The following CSMD3 variants were observed in gnomAD, a reference collection of about 807,000 sequenced individuals.
The protein encoded by CSMD3 is CUB and sushi domain-containing protein 3.
A neutral mutation model predicts 435.2 loss-of-function variants in CSMD3; 177 were observed. The ratio of observed to expected loss-of-function variants is 0.41; its 90% CI spans 0.36 to 0.46. CSMD3 has a LOEUF of 0.46. Among genes scored for constraint, CSMD3 ranks in the 20% least tolerant of loss-of-function variants. The pLI, the probability that CSMD3 is intolerant of heterozygous loss-of-function variation, is 0.34. For synonymous variants in CSMD3, 1,656 were observed against 1,520.5 expected, an observed-to-expected ratio of 1.09 and a Z score of -2.07; for missense variants, 4,265 against 4,504.6, an observed-to-expected ratio of 0.95 and a Z score of 1.52.
rs76424199 is a variant in CSMD3 at position 113,365,345 on chromosome 8, A to T, written c.179-50552T>A. On this transcript the variant is annotated intron_variant, in intron 1 of 70. Transcript: ENST00000297405. ...CTCATAAAATAGCTATATCTAAAAT[A>T]ATATATTTTCATAGTTCAGGAGTAA... Among the ~76,000 whole-genome samples, 24 of 152,202 alleles carry T rather than the reference A, an allele frequency of 1.6e-4. No homozygotes were observed. The East Asian group carries it at 4.1e-3, about 26-fold the overall frequency.
intron 17 of CSMD3, among the ~76,000 whole-genome samples, chr8:112,664,964 C>T (rs538124372): frequency 6.6e-6 from 1 of 152,172 alleles, no homozygotes; most frequent in South Asian, 2.1e-4. Context: ...CCCTAGTAAA[C>T]CATGTAGATT....
chr8:113,324,248 T>C (rs923322041), intron 1 of CSMD3, among the ~76,000 whole-genome samples: 8 of 152,160 alleles, frequency 5.3e-5, no homozygotes, highest in South Asian at 2.1e-4. Context: ...ATCCTCAACA[T>C]AGTGGGGAAA....
chr8:112,720,164 A>G (rs1038119894), intron 13 of CSMD3, among the ~76,000 whole-genome samples: 2 of 152,150 alleles, frequency 1.3e-5, no homozygotes, highest in Middle Eastern at 6.3e-3. Flanking sequence ...GCAAAGGTAC[A>G]TTCATTTGGT....
At chr8:112,256,948 C>A (rs945243263) in intron 61 of CSMD3, among the ~76,000 whole-genome samples, 3 of 152,110 alleles carry the variant, frequency 2.0e-5, no homozygotes, top group Non-Finnish European at 1.5e-5. Context: ...CATGCCCGAG[C>A]CATCTGGAAC....
At chr8:113,392,058 T>C (rs1273331925) in intron 1 of CSMD3, among the ~76,000 whole-genome samples, 4 of 152,164 alleles carry the variant, frequency 2.6e-5, no homozygotes, top group African/African-American at 9.6e-5. Context: ...ACATGCTTAA[T>C]GATTGACAAA....
At chr8:113,116,798 G>A (rs960241663) in intron 4 of CSMD3, among the ~76,000 whole-genome samples, 2 of 152,206 alleles carry the variant, frequency 1.3e-5, no homozygotes, top group Admixed American at 1.3e-4. Flanking sequence ...AGTCCAGGCT[G>A]AGGTGGTCTC....
At chr8:112,609,201 CAAAAAAAAAAAAAA>C (rs71566035) in intron 22 of CSMD3, among the ~76,000 whole-genome samples, 35 of 43,094 alleles carry the variant, frequency 8.1e-4, no homozygotes, top group Admixed American at 1.6e-3. Context: ...GATACTGCCT[CAAAAAAAAAAAAAA>C]AAAAAAAAAA....
chr8:112,493,345 A>C (rs1820893216), intron 30 of CSMD3, among the ~76,000 whole-genome samples: 1 of 152,090 alleles, frequency 6.6e-6, no homozygotes, highest in African/African-American at 2.4e-5. Flanking sequence ...GCCCTTATAA[A>C]ACGTCTTTAT....
At chr8:112,713,280 C>A (rs376381568) in intron 13 of CSMD3, among the ~76,000 whole-genome samples, 1 of 151,430 alleles carries the variant, frequency 6.6e-6, no homozygotes, top group African/African-American at 2.4e-5. Context: ...TATCAATAGC[C>A]GAATTGATTA....
intron 4 of CSMD3, among the ~76,000 whole-genome samples, chr8:113,153,136 AAG>A (rs2091861176): frequency 8.9e-5 from 12 of 135,498 alleles, no homozygotes; most frequent in Admixed American, 3.0e-4. Context: ...AGAAAGAAGG[AAG>A]GAAGGAAGGA....
chr8:112,571,118 C>T (rs1239610073), intron 24 of CSMD3, among the ~76,000 whole-genome samples: 1 of 152,148 alleles, frequency 6.6e-6, no homozygotes, highest in Non-Finnish European at 1.5e-5. Context: ...AGCGGTTCTC[C>T]TGCCTCACCC....
At chr8:112,466,442 G>A (rs1288771228) in intron 32 of CSMD3, among the ~76,000 whole-genome samples, 2 of 151,924 alleles carry the variant, frequency 1.3e-5, no homozygotes, top group African/African-American at 4.8e-5. Flanking sequence ...AAGAGTAAAT[G>A]GTCAAATATA....
At chr8:113,342,995 G>C (rs1026535774) in intron 1 of CSMD3, among the ~76,000 whole-genome samples, 2 of 151,936 alleles carry the variant, frequency 1.3e-5, no homozygotes, top group African/African-American at 4.8e-5. Flanking sequence ...AAAATGGAAG[G>C]AGAAGAGGGA....
chr8:112,307,737 AAAGCT>A, intron 50 of CSMD3, among the ~76,000 whole-genome samples: 1 of 152,218 alleles, frequency 6.6e-6, no homozygotes, highest in Admixed American at 6.5e-5. Flanking sequence ...ATAAAATGAG[AAAGCT>A]TCTGTATTAT....
chr8:112,291,828 T>G (rs1262263801), intron 55 of CSMD3, 133 bp from the exon 56 acceptor site: 1 of 641,852 alleles, frequency 1.6e-6, no homozygotes, highest in Non-Finnish European at 2.7e-6. Context: ...ATAATAAAAT[T>G]AATCCCATGG....
chr8:113,409,507 T>G (rs1170250529), intron 1 of CSMD3, among the ~76,000 whole-genome samples: 3 of 152,350 alleles, frequency 2.0e-5, no homozygotes, highest in South Asian at 4.1e-4. Context: ...CACAATGGTA[T>G]GCCTTGACCG....
chr8:112,448,768 A>C (rs34982066), intron 32 of CSMD3, among the ~76,000 whole-genome samples: 5 of 114,934 alleles, frequency 4.4e-5, no homozygotes, highest in South Asian at 2.9e-4. Context: ...AAAAAAAAAA[A>C]AAAAAAAAAA....
intron 3 of CSMD3, among the ~76,000 whole-genome samples, chr8:113,210,753 T>C (rs2092825001): frequency 6.6e-6 from 1 of 151,926 alleles, no homozygotes; most frequent in Non-Finnish European, 1.5e-5. Flanking sequence ...AGCAGGGACC[T>C]GTAATCCCAG....
Position 112,295,987 on chromosome 8 carries a change from T to C in CSMD3, c.8460A>G (p.Pro2820=). Residue 2820 remains proline, a synonymous_variant, in exon 54 of 71, where the codon CCA becomes CCG. Coordinates refer to ENST00000297405, the MANE Select transcript of CSMD3 (RefSeq NM_198123.2). ...TGACTTGACCATTCACAATCAGTTC[T>C]GGAATTCCACAATGACCCGCTGAAA... ...TRCLAGHCGI[P]ELIVNGQVIG... is the part of the protein sequence containing the mutation. 6.8e-6 allele frequency: 11 copies of C among 1,613,084 alleles called. No individual in the cohort carries two copies. The highest frequency in any genetic ancestry group is 8.5e-6 in the Non-Finnish European group (10 of 1,179,176).
Sources: gnomAD v4.1 joint callset for allele counts (sites outside exome capture counted in the v4.1 genomes callset) on GRCh38, gnomAD v4.1.1 for gene constraint, MANE v1.5 for transcripts, NCBI Gene and HGNC (gene_info 2026-07-23, HGNC 2026-07-21) for gene names.